The following SAMD4A variants were observed in gnomAD, a reference collection of about 807,000 sequenced individuals.
SAMD4A encodes sterile alpha motif domain containing 4A, also known as protein Smaug homolog 1.
Under a neutral mutation model 81.3 loss-of-function variants are expected in SAMD4A, and 33 were observed. The ratio of observed to expected loss-of-function variants is 0.41; its 90% CI spans 0.31 to 0.54. The LOEUF (loss-of-function observed/expected upper bound fraction) is 0.54. SAMD4A is among the 20% of genes least tolerant of loss of function. SAMD4A has a pLI of 0.37. For missense variants in SAMD4A, 854 were observed against 951.1 expected (o/e 0.90, Z 1.34); for synonymous variants, 389 against 382.1 (o/e 1.02, Z -0.21).
At chr14:54,750,997 C>A (rs2038088411) in intron 5 of SAMD4A, among the ~76,000 whole-genome samples, 1 of 152,202 alleles carries the variant, frequency 6.6e-6, no homozygotes, top group Non-Finnish European at 1.5e-5. Flanking sequence ...TGCGGTGGCT[C>A]ACGCCTAGAA....
intron 2 of SAMD4A, among the ~76,000 whole-genome samples, chr14:54,667,612 G>C (rs2035783681): frequency 6.6e-6 from 1 of 152,160 alleles, no homozygotes; most frequent in Non-Finnish European, 1.5e-5. Flanking sequence ...CAGCCTCTCT[G>C]TTGCCTTCTC....
intron 9 of SAMD4A, among the ~76,000 whole-genome samples, chr14:54,770,544 C>G (rs1186258008): frequency 1.3e-5 from 2 of 152,216 alleles, no homozygotes; most frequent in South Asian, 2.1e-4. Context: ...GGCTTACCCA[C>G]AAAAGGGGGA....
rs988791829 is a variant in SAMD4A, at chr14:54,770,213, A to G, written c.1706A>G (p.Gln569Arg). ...CTTCTAGACATATCAGGATATCGAC[A>G]GCAAAGAAAGTATGTTGGGATTTCA... ...KTLLDISGYR[Q>R]QRNRGFGQSN... Residue 569 changes from glutamine to arginine, a missense_variant, in exon 9 of 13, where the codon CAG becomes CGG. By Grantham distance (43) the Gln-to-Arg change is conservative. Transcript: ENST00000554335. The G allele has an allele frequency of 1.9e-6, 3 of 1,605,442 alleles. No homozygotes were observed. The highest frequency in any genetic ancestry group is 3.3e-5 in the Admixed American group (2 of 59,738).
chr14:54,567,948 C>G lies in SAMD4A; in HGVS notation c.32C>G (p.Ala11Gly), dbSNP rs376061731. 3 of 1,609,670 alleles carry G rather than the reference C, an allele frequency of 1.9e-6. No individual in the cohort carries two copies. The highest frequency in any genetic ancestry group is 2.7e-5 in the African/African-American group (2 of 74,806). The change falls in exon 2 of 13, where the codon GCG becomes GGG. Residue 11 changes from alanine (A) to glycine (G), a missense_variant. By Grantham distance (60) the Ala-to-Gly change is moderately conservative. This residue lies in a region of SAMD4A where 387 missense variants were observed against 405.8 expected (regional missense o/e 0.95). Coordinates refer to ENST00000554335, the MANE Select transcript of SAMD4A (RefSeq NM_015589.6). MMFRDQVGVL[A>G]GWFKGWNECE... ...TTTCGCGACCAGGTCGGGGTGCTGG[C>G]GGGCTGGTTTAAGGGCTGGAACGAG... is the stretch of plus-strand genomic sequence containing the variant.
At chr14:54,702,629 G>GT in intron 3 of SAMD4A, 49 bp downstream of exon 3, 1 of 1,588,590 alleles carries the variant, frequency 6.3e-7, no homozygotes, top group Non-Finnish European at 8.6e-7. Context: ...GCGATTTGCT[G>GT]TGTATGTGGC....
At position 54,741,837 on chromosome 14, in the gene SAMD4A, A is replaced by G. The variant is rs139581538; in HGVS notation, c.979+4550A>G. On this transcript the variant is annotated intron_variant, in intron 4 of 12. Coordinates refer to ENST00000554335, the MANE Select transcript of SAMD4A (RefSeq NM_015589.6). Reference sequence around the variant, plus strand: ...GAGGGAACAGCATTCACGAAATCACAATGACAAGGGTGCTTGACCAAGTGG... The same window carrying G: ...GAGGGAACAGCATTCACGAAATCACGATGACAAGGGTGCTTGACCAAGTGG... Among the ~76,000 whole-genome samples the G allele has an allele frequency of 1.3e-3, 198 of 152,238 alleles. 4 individuals carry two copies. The East Asian group carries it at 0.032, about 24-fold the overall frequency.
At chr14:54,727,436 G>A (rs902404444) in intron 3 of SAMD4A, among the ~76,000 whole-genome samples, 5 of 151,908 alleles carry the variant, frequency 3.3e-5, no homozygotes, top group East Asian at 3.9e-4. Flanking sequence ...TGATCCACCC[G>A]CCTCGGCCTC....
intron 3 of SAMD4A, among the ~76,000 whole-genome samples, chr14:54,723,194 G>C (rs199566148): frequency 6.6e-6 from 1 of 151,866 alleles, no homozygotes; most frequent in East Asian, 1.9e-4. Flanking sequence ...TTGATTTTTT[G>C]TGTAGATGCT....
At chr14:54,646,574 G>A (rs894313818) in intron 2 of SAMD4A, among the ~76,000 whole-genome samples, 2 of 152,224 alleles carry the variant, frequency 1.3e-5, no homozygotes, top group African/African-American at 4.8e-5. Flanking sequence ...TGGATGGCCA[G>A]TTAGGCAGAA....
At chr14:54,704,175 A>G (rs998410376) in intron 3 of SAMD4A, among the ~76,000 whole-genome samples, 1 of 152,194 alleles carries the variant, frequency 6.6e-6, no homozygotes, top group African/African-American at 2.4e-5. Flanking sequence ...AGAGGTTCTG[A>G]TGACACTGTC....
chr14:54,745,127 C>T (rs2037935640), intron 4 of SAMD4A, among the ~76,000 whole-genome samples: 1 of 152,216 alleles, frequency 6.6e-6, no homozygotes, highest in Admixed American at 6.5e-5. Context: ...TCCTGGCCTT[C>T]ACTGTCACCA....
intron 2 of SAMD4A, among the ~76,000 whole-genome samples, chr14:54,690,392 T>G (rs1199617927): frequency 6.6e-6 from 1 of 152,166 alleles, no homozygotes; most frequent in African/African-American, 2.4e-5. Context: ...CAGCCAGAGG[T>G]TAAGTCTCCA....
chr14:54,586,799 C>T (rs1280118471), intron 2 of SAMD4A, among the ~76,000 whole-genome samples: 1 of 152,118 alleles, frequency 6.6e-6, no homozygotes, highest in African/African-American at 2.4e-5. Context: ...TATTTTTATA[C>T]CAGTACCATG....
upstream of SAMD4A, among the ~76,000 whole-genome samples, chr14:54,565,803 G>A (rs1305493271): frequency 6.6e-6 from 1 of 151,992 alleles, no homozygotes; most frequent in Non-Finnish European, 1.5e-5. The surrounding 1 kb of genome is among the most constrained non-coding windows in gnomAD (Gnocchi z 5.4). Context: ...GGCGGCCGCA[G>A]GAAGAAATTC....
chr14:54,625,240 T>C (rs945800956), intron 2 of SAMD4A, among the ~76,000 whole-genome samples: 1 of 152,244 alleles, frequency 6.6e-6, no homozygotes, highest in African/African-American at 2.4e-5. Context: ...TTCACTCCAG[T>C]GAGACATAAT....
At chr14:54,625,858 A>T (rs1285721943) in intron 2 of SAMD4A, among the ~76,000 whole-genome samples, 1 of 152,052 alleles carries the variant, frequency 6.6e-6, no homozygotes, top group Non-Finnish European at 1.5e-5. Context: ...CATGCATTGT[A>T]CCTTTAAATT....
At chr14:54,597,247 T>C (rs1327341449) in intron 2 of SAMD4A, among the ~76,000 whole-genome samples, 1 of 151,918 alleles carries the variant, frequency 6.6e-6, no homozygotes, top group Non-Finnish European at 1.5e-5. Context: ...TCTCTATCTC[T>C]CTGTTGTGGT....
At chr14:54,681,988 C>T in intron 2 of SAMD4A, 1 of 985,360 alleles carries the variant, frequency 1.0e-6, no homozygotes, top group African/African-American at 1.7e-5. Flanking sequence ...GCTGTCATAA[C>T]ATGCAGTACC....
At chr14:54,692,880 C>A (rs933766953) in intron 2 of SAMD4A, 1 of 144,092 alleles carries the variant, frequency 6.9e-6, no homozygotes, top group African/African-American at 2.6e-5. Flanking sequence ...CTTAGTGCCC[C>A]CCCCCGCAAA....
Sources: allele counts gnomAD v4.1 joint callset (sites outside exome capture counted in the v4.1 genomes callset), GRCh38; gene constraint gnomAD v4.1.1; regional missense constraint gnomAD v4.1.1; non-coding constraint Gnocchi (gnomAD v3.1); transcripts MANE v1.5; gene names NCBI Gene and HGNC (gene_info 2026-07-23, HGNC 2026-07-21).